Variants in NXPE2 observed in about 807,000 individuals in gnomAD.
The protein encoded by NXPE2 is NXPE family member 2.
Under a neutral mutation model 34.4 loss-of-function variants are expected in NXPE2, and 34 were observed. The ratio of observed to expected loss-of-function variants is 0.99; its 90% CI spans 0.75 to 1.31. NXPE2 has a LOEUF of 1.31. Among genes scored for constraint, NXPE2 ranks in the 40% most tolerant of loss-of-function variants. The pLI is 0.00. For missense variants in NXPE2, 649 were observed against 672.5 expected, an observed-to-expected ratio of 0.97 and a Z score of 0.39; for synonymous variants, 235 against 231.3, an observed-to-expected ratio of 1.02 and a Z score of -0.15.
chr11:114,632,711 T>C, the NXPE2 span, among the ~76,000 whole-genome samples: 3 of 73,790 alleles, frequency 4.1e-5, no homozygotes, highest in African/African-American at 5.5e-5. Context: ...TATAATATAA[T>C]ATAATATATA....
chr11:114,601,593 T>TTATAATTATATATAATATATAC, the NXPE2 span, among the ~76,000 whole-genome samples: 1 of 1,278 alleles, frequency 7.8e-4, no homozygotes, highest in Non-Finnish European at 2.8e-3. Flanking sequence ...ATTATATATA[T>TTATAATTATATATAATATATAC]TATTTATAAT....
chr11:114,786,358 C>A, the NXPE2 span, among the ~76,000 whole-genome samples: 1 of 122,118 alleles, frequency 8.2e-6, no homozygotes, highest in Non-Finnish European at 1.7e-5. Context: ...TCTTTCTACC[C>A]CCGCCCCCCG....
At chr11:114,600,842 T>C in the NXPE2 span, among the ~76,000 whole-genome samples, 1 of 152,106 alleles carries the variant, frequency 6.6e-6, no homozygotes, top group Admixed American at 6.6e-5. Context: ...GAATCCTCTA[T>C]ACTATTTTGA....
At chr11:114,801,137 T>C in the NXPE2 span, among the ~76,000 whole-genome samples, 1 of 152,336 alleles carries the variant, frequency 6.6e-6, no homozygotes, top group East Asian at 1.9e-4. Flanking sequence ...CAAAGTCCCT[T>C]GTTTTATGGT....
At chr11:114,661,385 G>A in the NXPE2 span, among the ~76,000 whole-genome samples, 36 of 152,266 alleles carry the variant, frequency 2.4e-4, no homozygotes, top group South Asian at 2.3e-3. Flanking sequence ...CCACAAGTCA[G>A]GCAAAGCAAC....
the NXPE2 span, among the ~76,000 whole-genome samples, chr11:114,656,129 C>T: frequency 6.6e-6 from 1 of 152,028 alleles, no homozygotes; most frequent in Admixed American, 6.6e-5. Context: ...TTCCTTTTCA[C>T]CAACAAAAGG....
chr11:114,792,417 T>G, the NXPE2 span, among the ~76,000 whole-genome samples: 1 of 152,228 alleles, frequency 6.6e-6, no homozygotes, highest in Non-Finnish European at 1.5e-5. Flanking sequence ...TGACTTTACA[T>G]TTTTGACTTG....
chr11:114,522,655 A>G, the NXPE2 span: 1 of 737,914 alleles, frequency 1.4e-6, no homozygotes, highest in Non-Finnish European at 2.2e-6. Context: ...CAGTTCATAC[A>G]TGTAAAATGT....
At chr11:114,666,719 T>C in the NXPE2 span, among the ~76,000 whole-genome samples, 1 of 152,148 alleles carries the variant, frequency 6.6e-6, no homozygotes, top group African/African-American at 2.4e-5. Flanking sequence ...CTCAAATTGC[T>C]GGCATATGCA....
chr11:114,724,637 C>T, the NXPE2 span, among the ~76,000 whole-genome samples: 2 of 152,034 alleles, frequency 1.3e-5, no homozygotes, highest in African/African-American at 4.8e-5. Flanking sequence ...TCTACTAGCT[C>T]AAGCAGGAAC....
the NXPE2 span, among the ~76,000 whole-genome samples, chr11:114,657,977 C>T: frequency 6.6e-6 from 1 of 152,142 alleles, no homozygotes; most frequent in Admixed American, 6.5e-5. Context: ...ATTGAACCAA[C>T]TAACTTATTG....
the NXPE2 span, among the ~76,000 whole-genome samples, chr11:114,502,220 C>T: frequency 6.6e-6 from 1 of 151,604 alleles, no homozygotes; most frequent in African/African-American, 2.4e-5. Flanking sequence ...AGATTTACTT[C>T]TCTTTATGCT....
the NXPE2 span, among the ~76,000 whole-genome samples, chr11:114,546,379 C>T: frequency 6.6e-6 from 1 of 151,726 alleles, no homozygotes; most frequent in Non-Finnish European, 1.5e-5. Context: ...CCATGTTTAG[C>T]TTAATATAGA....
the NXPE2 span, among the ~76,000 whole-genome samples, chr11:114,465,141 G>A: frequency 1.6e-4 from 24 of 152,264 alleles, no homozygotes; most frequent in African/African-American, 5.3e-4. Flanking sequence ...AAATTTAAAT[G>A]TGTGTTCATC....
At chr11:114,664,395 C>T in the NXPE2 span, among the ~76,000 whole-genome samples, 1 of 152,110 alleles carries the variant, frequency 6.6e-6, no homozygotes. Context: ...TGGAATTATT[C>T]TCTATCTTGA....
the NXPE2 span, among the ~76,000 whole-genome samples, chr11:114,747,603 C>T: frequency 5.9e-5 from 9 of 152,146 alleles, no homozygotes; most frequent in Admixed American, 2.0e-4. Context: ...ACACATCTTA[C>T]ACAGTGGCAG....
the NXPE2 span, among the ~76,000 whole-genome samples, chr11:114,635,054 T>C: frequency 0.024 from 3,603 of 151,846 alleles, 135 homozygotes; most frequent in African/African-American, 0.08. Context: ...TTACCTTGGG[T>C]AGTATGGCCA....
At chr11:114,798,498 C>T in the NXPE2 span, among the ~76,000 whole-genome samples, 1 of 152,154 alleles carries the variant, frequency 6.6e-6, no homozygotes, top group South Asian at 2.1e-4. Context: ...ATTCTTCTGC[C>T]TCAGCCTCCT....
chr11:114,714,389 A>G, the NXPE2 span, among the ~76,000 whole-genome samples: 2 of 152,230 alleles, frequency 1.3e-5, no homozygotes, highest in Non-Finnish European at 2.9e-5. Context: ...TGACAATTAT[A>G]TAAAAGTCTT....
Sources: allele counts gnomAD v4.1 joint callset (sites outside exome capture counted in the v4.1 genomes callset), GRCh38; gene constraint gnomAD v4.1.1; transcripts MANE v1.5; gene names NCBI Gene and HGNC (gene_info 2026-07-23, HGNC 2026-07-21).